ARHGAP44: variants seen among roughly 807,000 people sequenced by gnomAD.
ARHGAP44 encodes the protein Rho GTPase activating protein 44.
Under a neutral mutation model 106.8 loss-of-function variants are expected in ARHGAP44, and 43 were observed. That is an observed-to-expected ratio of 0.40 (90% CI 0.32 to 0.52). The LOEUF is 0.52. Among genes scored for constraint, ARHGAP44 ranks in the 20% least tolerant of loss-of-function variants. The pLI is 0.48. For missense variants in ARHGAP44, 866 were observed against 1,050.5 expected (o/e 0.82, Z 2.43); for synonymous variants, 439 against 410.3 (o/e 1.07, Z -0.85).
chr17:12,902,945 G>A lies in ARHGAP44; in HGVS notation c.199-5952G>A, dbSNP rs189108384. ...AGCAGTGGCCCGCTATTAGACTGGA[G>A]TGGCTGTTGAGAACCACTGAGACCC... is the stretch of plus-strand genomic sequence containing the variant. On this transcript the variant is annotated intron_variant, in intron 3 of 20. Transcript: ENST00000379672. Among the ~76,000 whole-genome samples the A allele has an allele frequency of 3.8e-4, 58 of 152,256 alleles. 1 individual carries two copies. In the East Asian group the frequency reaches 0.01, roughly 27 times the overall value.
chr17:12,909,722 A>G (rs1187644866), intron 4 of ARHGAP44, among the ~76,000 whole-genome samples: 1 of 152,194 alleles, frequency 6.6e-6, no homozygotes, highest in African/African-American at 2.4e-5. Flanking sequence ...AAAGCTTAAC[A>G]TTCCATCTAG....
intron 1 of ARHGAP44, among the ~76,000 whole-genome samples, chr17:12,800,576 T>C (rs942713706): frequency 6.6e-6 from 1 of 152,202 alleles, no homozygotes; most frequent in Non-Finnish European, 1.5e-5. Flanking sequence ...CGCGTGCCAC[T>C]TCTACTCTCA....
chr17:12,946,646 A>G (rs1005956273), intron 10 of ARHGAP44, among the ~76,000 whole-genome samples: 4 of 151,986 alleles, frequency 2.6e-5, no homozygotes, highest in African/African-American at 7.3e-5. Flanking sequence ...TAAAAATACA[A>G]AAATTAGCTG....
intron 15 of ARHGAP44, 86 bp downstream of exon 15, chr17:12,956,832 C>T: frequency 1.7e-6 from 2 of 1,150,592 alleles, no homozygotes; most frequent in Non-Finnish European, 2.5e-6. Flanking sequence ...CCAAGTACCA[C>T]TGCCCACAGG....
chr17:12,823,846 T>C (rs2034843341), intron 1 of ARHGAP44, among the ~76,000 whole-genome samples: 1 of 152,184 alleles, frequency 6.6e-6, no homozygotes, highest in South Asian at 2.1e-4. Flanking sequence ...TATTACCCTA[T>C]CTGGCTTCTG....
chr17:12,951,305 T>C (rs1156242951), intron 12 of ARHGAP44, among the ~76,000 whole-genome samples: 1 of 152,198 alleles, frequency 6.6e-6, no homozygotes, highest in Non-Finnish European at 1.5e-5. Flanking sequence ...ATTTGAGGTA[T>C]TGAACAGGTA....
At chr17:12,973,894 A>G (rs2039594315) in intron 17 of ARHGAP44, 195 bp from the exon 18 acceptor site, 2 of 645,714 alleles carry the variant, frequency 3.1e-6, no homozygotes, top group African/African-American at 1.8e-5. Context: ...TGGGCTGCCC[A>G]GGGCTGTGTC....
intron 1 of ARHGAP44, among the ~76,000 whole-genome samples, chr17:12,796,449 A>G (rs1424918924): frequency 6.6e-6 from 1 of 152,196 alleles, no homozygotes. Flanking sequence ...TATATTATAC[A>G]CACATACATA....
chr17:12,939,108 G>A lies in ARHGAP44; in HGVS notation c.583-1948G>A, dbSNP rs150839680. Among the ~76,000 whole-genome samples the A allele has an allele frequency of 4.5e-3, 683 of 152,260 alleles. 6 individuals carry two copies. The highest frequency in any genetic ancestry group is 0.015 in the African/African-American group (623 of 41,544). Reference sequence around the variant, plus strand: ...GATATCTCCTGAGCAAAGCTGCTGCGGGGAAGACAGACAGGGTTGATTCCC... The same window carrying A: ...GATATCTCCTGAGCAAAGCTGCTGCAGGGAAGACAGACAGGGTTGATTCCC... On this transcript the variant is annotated intron_variant, in intron 7 of 20. Transcript: ENST00000379672.
intron 20 of ARHGAP44, among the ~76,000 whole-genome samples, chr17:12,989,687 C>T (rs2040063758): frequency 2.6e-5 from 4 of 152,124 alleles, no homozygotes; most frequent in Admixed American, 2.6e-4. Context: ...ATGCAGTCGT[C>T]TGATATAGAT....
chr17:12,982,074 T>C (rs2039847722), intron 19 of ARHGAP44, among the ~76,000 whole-genome samples: 2 of 152,116 alleles, frequency 1.3e-5, no homozygotes, highest in South Asian at 4.1e-4. Flanking sequence ...GGCTAAGTCA[T>C]TGTCTCGTCC....
Position 12,944,147 on chromosome 17 carries a change from C to A in ARHGAP44, c.812C>A (p.Pro271His). Reference protein sequence around the residue: ...LTISGREIAFPIEACVTMLLE... With the variant: ...LTISGREIAFHIEACVTMLLE... ...ATCAGCGGCCGGGAGATCGCCTTCC[C>A]CATCGAGGCGTGTGTGACCATGCTG... is the stretch of plus-strand genomic sequence containing the variant. The change falls in exon 10 of 21, where the codon CCC (proline) becomes CAC (histidine). Residue 271 changes from proline (P) to histidine (H), a missense_variant. Coordinates refer to ENST00000379672, the MANE Select transcript of ARHGAP44 (RefSeq NM_014859.6). 1 of 1,612,612 alleles carries A rather than the reference C, an allele frequency of 6.2e-7. No individual in the cohort carries two copies. The highest frequency in any genetic ancestry group is 8.5e-7 in the Non-Finnish European group (1 of 1,179,776).
intron 4 of ARHGAP44, among the ~76,000 whole-genome samples, chr17:12,915,565 TG>T (rs1418155886): frequency 1.3e-5 from 2 of 152,228 alleles, no homozygotes; most frequent in South Asian, 2.1e-4. Flanking sequence ...TTGAAGATGA[TG>T]TTTTTTTAGC....
At chr17:12,955,105 TATA>T (rs1436789332) in intron 13 of ARHGAP44, among the ~76,000 whole-genome samples, 1 of 152,240 alleles carries the variant, frequency 6.6e-6, no homozygotes, top group Non-Finnish European at 1.5e-5. Context: ...AGTGGAATAC[TATA>T]ATATGTGGCC....
chr17:12,845,765 A>C (rs2035553223), intron 1 of ARHGAP44, among the ~76,000 whole-genome samples: 1 of 152,198 alleles, frequency 6.6e-6, no homozygotes, highest in Non-Finnish European at 1.5e-5. Context: ...TTTAATTTAT[A>C]ATGTAACTGT....
At chr17:12,845,728 G>A (rs1251475004) in intron 1 of ARHGAP44, among the ~76,000 whole-genome samples, 2 of 152,120 alleles carry the variant, frequency 1.3e-5, no homozygotes, top group African/African-American at 4.8e-5. Context: ...GGCTGGAATT[G>A]GTTGAGTATC....
At chr17:12,833,791 C>T (rs778088385) in intron 1 of ARHGAP44, among the ~76,000 whole-genome samples, 9 of 152,102 alleles carry the variant, frequency 5.9e-5, no homozygotes, top group Non-Finnish European at 1.2e-4. Context: ...GGCGCTTCCA[C>T]GCCATAGGTG....
intron 1 of ARHGAP44, among the ~76,000 whole-genome samples, chr17:12,829,608 A>G (rs3785731): frequency 0.37 from 55,820 of 151,968 alleles, 14,610 homozygotes; most frequent in African/African-American, 0.75. Flanking sequence ...TGATTATATC[A>G]CACTCAGCTT....
chr17:12,877,272 A>G (rs559616137), intron 1 of ARHGAP44, among the ~76,000 whole-genome samples: 1 of 152,222 alleles, frequency 6.6e-6, no homozygotes, highest in African/African-American at 2.4e-5. Flanking sequence ...ATCTAAATTC[A>G]TTTACCGTAG....
Sources: allele counts gnomAD v4.1 joint callset (sites outside exome capture counted in the v4.1 genomes callset), GRCh38; gene constraint gnomAD v4.1.1; transcripts MANE v1.5; gene names NCBI Gene and HGNC (gene_info 2026-07-23, HGNC 2026-07-21).